The following MAGI2 variants were observed in gnomAD, a reference collection of about 807,000 sequenced individuals.
MAGI2 encodes the protein membrane-associated guanylate kinase, WW and PDZ domain-containing protein 2.
In MAGI2, 35 loss-of-function variants were observed where a neutral mutation model predicts 133.3. That is an observed-to-expected ratio of 0.26 (90% CI 0.20 to 0.35). MAGI2 has a LOEUF of 0.35. Among genes scored for constraint, MAGI2 ranks in the 10% least tolerant of loss-of-function variants. The pLI, the probability that MAGI2 is intolerant of heterozygous loss-of-function variation, is 1.00. For synonymous variants in MAGI2, 729 were observed against 710.6 expected, an observed-to-expected ratio of 1.03 and a Z score of -0.41; for missense variants, 1,636 against 1,863.4, an observed-to-expected ratio of 0.88 and a Z score of 2.25.
At chr7:78,732,943 T>C (rs994349186) in intron 2 of MAGI2, among the ~76,000 whole-genome samples, 8 of 152,110 alleles carry the variant, frequency 5.3e-5, no homozygotes, top group Non-Finnish European at 1.0e-4. Context: ...CTTTGCAAAG[T>C]TGATGTGGGA....
chr7:79,185,113 T>A (rs1282986636), intron 1 of MAGI2, among the ~76,000 whole-genome samples: 1 of 151,902 alleles, frequency 6.6e-6, no homozygotes, highest in Non-Finnish European at 1.5e-5. Context: ...GATACTATTG[T>A]ATTTTTCCTT....
intron 20 of MAGI2, among the ~76,000 whole-genome samples, chr7:78,114,840 A>G (rs1277444041): frequency 6.6e-6 from 1 of 152,104 alleles, no homozygotes; most frequent in East Asian, 1.9e-4. Context: ...GCTGGAGAGG[A>G]AGATAAGGAC....
chr7:78,790,466 C>T (rs1457422227), intron 2 of MAGI2, among the ~76,000 whole-genome samples: 1 of 152,012 alleles, frequency 6.6e-6, no homozygotes, highest in Non-Finnish European at 1.5e-5. Context: ...CAGAGTCTCC[C>T]TTTGTTGCCC....
At chr7:78,487,257 T>A in intron 6 of MAGI2, 1 of 198,546 alleles carries the variant, frequency 5.0e-6, no homozygotes, top group Non-Finnish European at 1.0e-5. Flanking sequence ...AGACTGGGCT[T>A]TGGAAAATCA....
At position 79,399,095 on chromosome 7, in the gene MAGI2, C is replaced by CTTTTTTTTTTTTTTTTTTTTTTTT. The variant is rs767332496; in HGVS notation, c.301+53924_301+53925insAAAAAAAAAAAAAAAAAAAAAAAA. 6.4e-4 allele frequency among the ~76,000 whole-genome samples: 68 copies of CTTTTTTTTTTTTTTTTTTTTTTTT among 106,272 alleles called. 1 individual carries two copies. The highest frequency in any genetic ancestry group is 1.6e-3 in the African/African-American group (39 of 25,002). 69.7% of individuals were successfully genotyped at this position (106,272 alleles called of 152,430 possible). ...GTATTATTTCTTTTTTTTTTCTTTT[C>CTTTTTTTTTTTTTTTTTTTTTTTT]TTTTTTTTTTTTTTTGGGAGATGGA... is the stretch of plus-strand genomic sequence containing the variant. On this transcript the variant is annotated intron_variant, in intron 1 of 21. Coordinates refer to ENST00000354212, the MANE Select transcript of MAGI2 (RefSeq NM_012301.4).
chr7:78,850,804 T>C lies in MAGI2; in HGVS notation c.418+156286A>G, dbSNP rs188561153. ...TATCAGCCAAAGCACTGACTGGATT[T>C]GACATTTTTAATTGCTCATTAGCAA... On this transcript the variant is annotated intron_variant, in intron 2 of 21. Coordinates refer to ENST00000354212, the MANE Select transcript of MAGI2 (RefSeq NM_012301.4). 2.7e-3 allele frequency among the ~76,000 whole-genome samples: 418 copies of C among 152,192 alleles called. 3 individuals carry two copies. The highest frequency in any genetic ancestry group is 9.6e-3 in the African/African-American group (397 of 41,536).
intron 1 of MAGI2, among the ~76,000 whole-genome samples, chr7:79,388,296 A>AGCTT (rs1288400739): frequency 6.6e-6 from 1 of 151,962 alleles, no homozygotes; most frequent in African/African-American, 2.4e-5. Context: ...ATGTATCCTA[A>AGCTT]GCTTACTTAC....
intron 2 of MAGI2, among the ~76,000 whole-genome samples, chr7:78,660,508 A>G (rs1451302405): frequency 6.6e-6 from 1 of 152,184 alleles, no homozygotes; most frequent in Non-Finnish European, 1.5e-5. Context: ...GCTCAATTAA[A>G]TTAAATATTA....
intron 3 of MAGI2, among the ~76,000 whole-genome samples, chr7:78,570,095 C>T (rs978046248): frequency 6.6e-6 from 1 of 151,890 alleles, no homozygotes; most frequent in African/African-American, 2.4e-5. Context: ...GTTGCTATAC[C>T]CACTCTTGTA....
chr7:78,588,594 G>T (rs1422033067), intron 3 of MAGI2, among the ~76,000 whole-genome samples: 1 of 152,186 alleles, frequency 6.6e-6, no homozygotes, highest in Admixed American at 6.5e-5. Context: ...CTGTGGGCTT[G>T]GTGCAGATGA....
At chr7:78,060,956 A>G (rs1047707250) in intron 21 of MAGI2, among the ~76,000 whole-genome samples, 1 of 152,132 alleles carries the variant, frequency 6.6e-6, no homozygotes, top group African/African-American at 2.4e-5. Context: ...ACTTGAGGCC[A>G]GGAGTTCAAG....
At chr7:78,235,329 A>T (rs935612033) in intron 10 of MAGI2, among the ~76,000 whole-genome samples, 6 of 152,130 alleles carry the variant, frequency 3.9e-5, no homozygotes, top group African/African-American at 1.4e-4. Context: ...GTTGATTAGA[A>T]GGGGGCAGGA....
chr7:79,080,297 G>A lies in MAGI2; in HGVS notation c.302-73091C>T, dbSNP rs527676104. Among the ~76,000 whole-genome samples the A allele has an allele frequency of 1.1e-4, 17 of 152,202 alleles. No individual in the cohort carries two copies. In the South Asian group the frequency reaches 1.9e-3, roughly 17 times the overall value. On this transcript the variant is annotated intron_variant, in intron 1 of 21. Transcript: ENST00000354212. ...CAATGACACAATGTTTCTCTAGGGA[G>A]CAATAAAACTAAATGTAGTTAAAGT...
chr7:79,052,097 G>T lies in MAGI2; in HGVS notation c.302-44891C>A, dbSNP rs184681178. Among the ~76,000 whole-genome samples, 5 of 152,182 alleles carry T rather than the reference G, an allele frequency of 3.3e-5. No homozygotes were observed. In the East Asian group the frequency reaches 9.7e-4, roughly 29 times the overall value. ...GTGGGAATGTGAGAAGCCAGAAAAA[G>T]ATTAAAAATTGTGGGAAAGTACAGA... On this transcript the variant is annotated intron_variant, in intron 1 of 21. Transcript: ENST00000354212.
At chr7:78,270,991 C>A (rs1405452832) in intron 9 of MAGI2, among the ~76,000 whole-genome samples, 2 of 152,042 alleles carry the variant, frequency 1.3e-5, no homozygotes, top group Non-Finnish European at 2.9e-5. Flanking sequence ...CCAGAACTTC[C>A]AACACTATGT....
intron 2 of MAGI2, among the ~76,000 whole-genome samples, chr7:78,685,862 A>G (rs1816240387): frequency 6.6e-6 from 1 of 152,130 alleles, no homozygotes; most frequent in Non-Finnish European, 1.5e-5. Context: ...GGCTACTGTG[A>G]GCACAGATGA....
chr7:78,524,854 C>T (rs1385345739), intron 3 of MAGI2, among the ~76,000 whole-genome samples: 2 of 152,110 alleles, frequency 1.3e-5, no homozygotes, highest in African/African-American at 4.8e-5. Context: ...ATAATCTATG[C>T]ATATCTCAAT....
At chr7:78,783,668 G>A (rs1275702441) in intron 2 of MAGI2, among the ~76,000 whole-genome samples, 1 of 152,152 alleles carries the variant, frequency 6.6e-6, no homozygotes, top group Non-Finnish European at 1.5e-5. Flanking sequence ...TCCACAAGGT[G>A]TCAATTTCTG....
chr7:79,256,401 C>T (rs1260861103), intron 1 of MAGI2, among the ~76,000 whole-genome samples: 2 of 151,566 alleles, frequency 1.3e-5, no homozygotes, highest in African/African-American at 4.8e-5. Context: ...TTGTTCATTG[C>T]TCAGGAGTTT....
Sources: allele counts gnomAD v4.1 joint callset (sites outside exome capture counted in the v4.1 genomes callset), GRCh38; gene constraint gnomAD v4.1.1; transcripts MANE v1.5; gene names NCBI Gene and HGNC (gene_info 2026-07-23, HGNC 2026-07-21).